NOX4: variants seen among roughly 807,000 people sequenced by gnomAD.
NOX4 encodes the protein NADPH oxidase 4.
NOX4 carries 69 observed loss-of-function variants against 87.6 expected under a neutral mutation model. The ratio of observed to expected loss-of-function variants is 0.79; its 90% CI spans 0.65 to 0.96. NOX4 has a LOEUF of 0.96. NOX4 is among the 40% of genes least tolerant of loss of function. The pLI, the probability that NOX4 is intolerant of heterozygous loss-of-function variation, is 0.00. For synonymous variants in NOX4, 275 were observed against 238.2 expected (o/e 1.15, Z -1.42); for missense variants, 680 against 681.5 (o/e 1.00, Z 0.02).
At chr11:89,570,124 C>T in the NOX4 span, among the ~76,000 whole-genome samples, 2 of 152,066 alleles carry the variant, frequency 1.3e-5, no homozygotes, top group African/African-American at 4.8e-5. Context: ...CAGTGCTGAA[C>T]TGGATAAAGG....
chr11:89,481,791 G>A (rs901340748), intron 2 of NOX4, among the ~76,000 whole-genome samples: 7 of 151,976 alleles, frequency 4.6e-5, no homozygotes, highest in Non-Finnish European at 7.4e-5. Context: ...ATCAAACAGG[G>A]TAAATGGACT....
chr11:89,556,019 T>G, the NOX4 span, among the ~76,000 whole-genome samples: 1 of 152,098 alleles, frequency 6.6e-6, no homozygotes, highest in African/African-American at 2.4e-5. Flanking sequence ...TAAAAAAACC[T>G]TTGTGAAGAT....
chr11:89,455,102 A>G (rs925735443), intron 2 of NOX4, among the ~76,000 whole-genome samples: 2 of 152,142 alleles, frequency 1.3e-5, no homozygotes, highest in African/African-American at 4.8e-5. Flanking sequence ...AAAGTATGTT[A>G]GTTAAACACA....
At chr11:89,385,468 C>G (rs1314697450) in intron 11 of NOX4, among the ~76,000 whole-genome samples, 5 of 152,274 alleles carry the variant, frequency 3.3e-5, no homozygotes, top group South Asian at 2.1e-4. Flanking sequence ...AACTATCAAT[C>G]TCTTCCCAAA....
chr11:89,553,072 C>G, the NOX4 span, among the ~76,000 whole-genome samples: 3 of 152,152 alleles, frequency 2.0e-5, no homozygotes, highest in African/African-American at 7.2e-5. Context: ...CCTGCCCCAT[C>G]TCTATCCCAC....
chr11:89,549,155 T>A, the NOX4 span, among the ~76,000 whole-genome samples: 1 of 152,234 alleles, frequency 6.6e-6, no homozygotes, highest in Non-Finnish European at 1.5e-5. Flanking sequence ...TCTTGCATAT[T>A]TCTTTCTTTC....
intron 2 of NOX4, among the ~76,000 whole-genome samples, chr11:89,476,816 C>A (rs190125048): frequency 2.0e-5 from 3 of 152,050 alleles, no homozygotes; most frequent in South Asian, 2.1e-4. Context: ...AAGAAGCACA[C>A]GGCCACATAA....
chr11:89,484,113 A>C (rs1401568666), intron 2 of NOX4, among the ~76,000 whole-genome samples: 2 of 152,134 alleles, frequency 1.3e-5, no homozygotes, highest in Non-Finnish European at 2.9e-5. Context: ...CACTGAGCAC[A>C]ATCTGTTATT....
the NOX4 span, among the ~76,000 whole-genome samples, chr11:89,503,792 C>A: frequency 1.3e-5 from 2 of 148,746 alleles, no homozygotes; most frequent in Admixed American, 1.4e-4. Context: ...TACAAATTTC[C>A]CAATCCATCC....
At chr11:89,569,216 C>A in the NOX4 span, among the ~76,000 whole-genome samples, 1 of 150,386 alleles carries the variant, frequency 6.6e-6, no homozygotes. Flanking sequence ...CAAGTAGGAT[C>A]TAATTAAAGA....
intron 17 of NOX4, among the ~76,000 whole-genome samples, chr11:89,333,416 T>G (rs1307448532): frequency 5.3e-5 from 8 of 151,844 alleles, no homozygotes; most frequent in South Asian, 2.1e-4. Context: ...ACATATACTT[T>G]CATAAGTACA....
chr11:89,435,292 T>G (rs569174102), intron 6 of NOX4, among the ~76,000 whole-genome samples: 3 of 152,194 alleles, frequency 2.0e-5, no homozygotes, highest in African/African-American at 7.2e-5. Context: ...CAATATTTTA[T>G]TGGGCCTTTA....
chr11:89,417,742 T>C (rs1007691963), intron 8 of NOX4, among the ~76,000 whole-genome samples: 5 of 152,132 alleles, frequency 3.3e-5, no homozygotes, highest in African/African-American at 4.8e-5. Context: ...TTGGTACTAG[T>C]ATAATTTGTT....
At chr11:89,481,531 G>C (rs1946391278) in intron 2 of NOX4, among the ~76,000 whole-genome samples, 1 of 152,002 alleles carries the variant, frequency 6.6e-6, no homozygotes, top group South Asian at 2.1e-4. Context: ...CACAAAGGGA[G>C]AGAAATGCTT....
the NOX4 span, among the ~76,000 whole-genome samples, chr11:89,531,896 G>A: frequency 6.6e-6 from 1 of 152,224 alleles, no homozygotes; most frequent in East Asian, 1.9e-4. Flanking sequence ...CTCCAACCAT[G>A]GCTAAAAGGG....
At chr11:89,513,975 G>T in the NOX4 span, among the ~76,000 whole-genome samples, 1 of 151,840 alleles carries the variant, frequency 6.6e-6, no homozygotes, top group Non-Finnish European at 1.5e-5. Flanking sequence ...CACCAGATGC[G>T]GCCACTTGAT....
chr11:89,570,526 T>C, the NOX4 span, among the ~76,000 whole-genome samples: 19 of 152,294 alleles, frequency 1.2e-4, no homozygotes, highest in Non-Finnish European at 2.4e-4. Context: ...AAAGTGATTT[T>C]CAATATATAT....
chr11:89,410,849 A>G (rs1198029836), intron 8 of NOX4, among the ~76,000 whole-genome samples: 1 of 152,202 alleles, frequency 6.6e-6, no homozygotes, highest in African/African-American at 2.4e-5. Flanking sequence ...GCTCACAGCC[A>G]GTGATGTGGG....
chr11:89,580,472 G>A, the NOX4 span, among the ~76,000 whole-genome samples: 1 of 152,110 alleles, frequency 6.6e-6, no homozygotes, highest in African/African-American at 2.4e-5. Flanking sequence ...GTGAGCTACT[G>A]AGCTCAGCCT....
Sources: allele counts gnomAD v4.1 joint callset (sites outside exome capture counted in the v4.1 genomes callset), GRCh38; gene constraint gnomAD v4.1.1; transcripts MANE v1.5; gene names NCBI Gene and HGNC (gene_info 2026-07-23, HGNC 2026-07-21).